PTPRD: variants seen among roughly 807,000 people sequenced by gnomAD.
PTPRD encodes the protein receptor-type tyrosine-protein phosphatase delta.
Under a neutral mutation model 214.5 loss-of-function variants are expected in PTPRD, and 34 were observed. The observed-to-expected ratio is 0.16, with a 90% CI of 0.12 to 0.21. PTPRD has a LOEUF of 0.21. PTPRD is among the 10% of genes least tolerant of loss of function. PTPRD has a pLI of 1.00. For synonymous variants in PTPRD, 1,128 were observed against 845.7 expected, an observed-to-expected ratio of 1.33 and a Z score of -5.79; for missense variants, 2,545 against 2,398.7, an observed-to-expected ratio of 1.06 and a Z score of -1.27.
In PTPRD at chr9:9,207,468, G is replaced by GA. The variant is rs559577449; in HGVS notation, c.-202-24106dup. Among the ~76,000 whole-genome samples, 586 of 151,536 alleles carry GA rather than the reference G, an allele frequency of 3.9e-3. 6 individuals are homozygous for GA. Among genetic ancestry groups the GA allele is most frequent in the African/African-American group, 8.5e-3 (351 of 41,292 alleles). On this transcript the variant is annotated intron_variant, in intron 9 of 45. Coordinates refer to ENST00000381196, the MANE Select transcript of PTPRD (RefSeq NM_002839.4). Reference sequence around the variant, plus strand: ...AAATGAGTTAGGGAAACAGTTCAAAGAAAAAAAAGCCAAATAAAAATATAA... The same window carrying GA: ...AAATGAGTTAGGGAAACAGTTCAAAGAAAAAAAAAGCCAAATAAAAATATAA...
At chr9:9,299,225 ATTAG>A (rs1954299835) in intron 9 of PTPRD, among the ~76,000 whole-genome samples, 1 of 151,790 alleles carries the variant, frequency 6.6e-6, no homozygotes, top group African/African-American at 2.4e-5. Context: ...TTATTTCAAT[ATTAG>A]TTAATTAGTG....
chr9:9,819,385 G>C (rs769209428), intron 5 of PTPRD, among the ~76,000 whole-genome samples: 1 of 152,186 alleles, frequency 6.6e-6, no homozygotes, highest in African/African-American at 2.4e-5. Context: ...AATAAGAATT[G>C]CACTTTGCAG....
At chr9:8,648,855 T>C (rs2096748826) in intron 12 of PTPRD, among the ~76,000 whole-genome samples, 1 of 152,176 alleles carries the variant, frequency 6.6e-6, no homozygotes, top group African/African-American at 2.4e-5. Context: ...TTTTGTAGAG[T>C]TAGTTTTCAA....
intron 11 of PTPRD, among the ~76,000 whole-genome samples, chr9:8,999,222 C>T (rs2099408360): frequency 6.6e-6 from 1 of 151,978 alleles, no homozygotes; most frequent in Non-Finnish European, 1.5e-5. Context: ...CCATCACACA[C>T]AACAGAGAAA....
At chr9:9,716,716 AT>A (rs952744944) in intron 7 of PTPRD, among the ~76,000 whole-genome samples, 23 of 152,048 alleles carry the variant, frequency 1.5e-4, no homozygotes, top group African/African-American at 5.3e-4. Flanking sequence ...TTTCTTGTAA[AT>A]TTGTTTGAGT....
At chr9:8,936,906 G>C (rs2099001637) in intron 11 of PTPRD, among the ~76,000 whole-genome samples, 1 of 152,054 alleles carries the variant, frequency 6.6e-6, no homozygotes, top group African/African-American at 2.4e-5. Context: ...TAATATTACT[G>C]AGTAATTTGG....
intron 12 of PTPRD, among the ~76,000 whole-genome samples, chr9:8,709,713 A>G (rs1207951355): frequency 1.3e-5 from 2 of 152,160 alleles, no homozygotes; most frequent in Non-Finnish European, 1.5e-5. Context: ...GTCAATATAA[A>G]AAAATTAAAA....
At chr9:8,724,013 T>C (rs180858845) in intron 12 of PTPRD, among the ~76,000 whole-genome samples, 1 of 152,162 alleles carries the variant, frequency 6.6e-6, no homozygotes, top group Non-Finnish European at 1.5e-5. Flanking sequence ...AAAACTTTTA[T>C]GAGAGAACAA....
chr9:10,097,324 T>C (rs1024222769), intron 3 of PTPRD, among the ~76,000 whole-genome samples: 1 of 120,198 alleles, frequency 8.3e-6, no homozygotes, highest in Non-Finnish European at 1.7e-5. Context: ...TAAATTACGT[T>C]GGGCAGTATG....
At chr9:9,573,864 G>C (rs766017424) in intron 8 of PTPRD, among the ~76,000 whole-genome samples, 4 of 151,620 alleles carry the variant, frequency 2.6e-5, no homozygotes, top group African/African-American at 9.7e-5. Flanking sequence ...TGTTATCTAC[G>C]ATCATTTTAA....
intron 3 of PTPRD, among the ~76,000 whole-genome samples, chr9:10,051,594 T>G (rs1020855243): frequency 4.0e-5 from 6 of 151,632 alleles, no homozygotes; most frequent in African/African-American, 1.5e-4. Context: ...ATGCTATCCC[T>G]CCCCACTCCC....
chr9:10,581,977 T>C (rs1443884152), intron 2 of PTPRD, among the ~76,000 whole-genome samples: 2 of 152,206 alleles, frequency 1.3e-5, no homozygotes, highest in Non-Finnish European at 1.5e-5. Context: ...TAAGCATTTA[T>C]GCTATTCAAG....
intron 7 of PTPRD, among the ~76,000 whole-genome samples, chr9:9,717,745 T>A (rs1448470350): frequency 6.6e-6 from 1 of 152,184 alleles, no homozygotes; most frequent in Non-Finnish European, 1.5e-5. Flanking sequence ...GTGCAGTGGA[T>A]GGAAGGAATT....
chr9:8,341,581 G>T, intron 40 of PTPRD, 112 bp downstream of exon 40: 1 of 1,246,824 alleles, frequency 8.0e-7, no homozygotes, highest in Non-Finnish European at 1.1e-6. Context: ...TGAGGGAAAG[G>T]TCAAATGAAT....
At chr9:9,124,691 G>C (rs1322277148) in intron 10 of PTPRD, among the ~76,000 whole-genome samples, 2 of 151,992 alleles carry the variant, frequency 1.3e-5, no homozygotes, top group Non-Finnish European at 2.9e-5. Flanking sequence ...ATTTCTTTTT[G>C]ACCTCAAATA....
At chr9:10,012,294 G>T (rs1312446577) in intron 4 of PTPRD, among the ~76,000 whole-genome samples, 1 of 151,696 alleles carries the variant, frequency 6.6e-6, no homozygotes, top group African/African-American at 2.4e-5. Flanking sequence ...TAACAAAAAG[G>T]GGGTAGGGTC....
intron 2 of PTPRD, among the ~76,000 whole-genome samples, chr9:10,577,523 A>G (rs1035307061): frequency 6.6e-6 from 1 of 152,212 alleles, no homozygotes; most frequent in African/African-American, 2.4e-5. Context: ...CTCCAAAAGA[A>G]TTAAGCCCTA....
intron 2 of PTPRD, among the ~76,000 whole-genome samples, chr9:10,420,304 T>C (rs2098534092): frequency 6.6e-6 from 1 of 151,926 alleles, no homozygotes; most frequent in Non-Finnish European, 1.5e-5. Context: ...AGGTAATCTC[T>C]TGTCCTTTGA....
chr9:9,521,447 T>G (rs769748696), intron 8 of PTPRD, among the ~76,000 whole-genome samples: 5 of 152,164 alleles, frequency 3.3e-5, no homozygotes, highest in Middle Eastern at 3.2e-3. Flanking sequence ...CCTGGCAGAT[T>G]ATTACTTCAG....
Sources: gnomAD v4.1 joint callset for allele counts (sites outside exome capture counted in the v4.1 genomes callset) on GRCh38, gnomAD v4.1.1 for gene constraint, MANE v1.5 for transcripts, NCBI Gene and HGNC (gene_info 2026-07-23, HGNC 2026-07-21) for gene names.